HARS1: variants seen among roughly 807,000 people sequenced by gnomAD.
The protein encoded by HARS1 is histidyl-tRNA synthetase 1, also known as histidine--tRNA ligase, cytoplasmic.
HARS1 carries 45 observed loss-of-function variants against 63.6 expected under a neutral mutation model. The observed-to-expected ratio is 0.71, with a 90% CI of 0.56 to 0.91. The LOEUF (loss-of-function observed/expected upper bound fraction) is 0.91. Ranked by LOEUF, HARS1 falls within the 40% of genes least tolerant of loss-of-function variation. The pLI is 0.00. For missense variants in HARS1, 508 were observed against 643.2 expected (o/e 0.79, Z 2.27); for synonymous variants, 205 against 247.1 (o/e 0.83, Z 1.60).
intron 10 of HARS1, chr5:140,675,488 A>G (rs746430158): frequency 6.1e-6 from 1 of 162,808 alleles, no homozygotes; most frequent in Non-Finnish European, 1.3e-5. Context: ...CGACCTCCCA[A>G]GCTCAAGTGA....
rs758218240 is a variant in HARS1, at chr5:140,679,050, C to T, written c.474G>A (p.Arg158=). 1 of 1,614,082 alleles carries T rather than the reference C, an allele frequency of 6.2e-7. No individual in the cohort carries two copies. Among genetic ancestry groups the T allele is most frequent in the Non-Finnish European group, 8.5e-7 (1 of 1,179,944 alleles). ...KRYHIAKVYR[R]DNPAMTRGRY... is the part of the protein sequence containing the mutation. The stretch of plus-strand genomic sequence containing the variant: ...GGCCACGGGTCATGGCTGGGTTATC[C>T]CGCCGATATACCTTTGCTATGTGGT... The change falls in exon 5 of 13, where the codon CGG becomes CGA. Residue 158 remains arginine, a synonymous_variant. Coordinates refer to ENST00000504156, the MANE Select transcript of HARS1 (RefSeq NM_002109.6). The surrounding 1 kb of genome is among the most constrained non-coding windows in gnomAD (Gnocchi z 4.3).
At position 140,680,896 on chromosome 5, in the gene HARS1, C is replaced by CT. The variant is rs1209005938; in HGVS notation, c.301-1014dup. 2.6e-3 allele frequency among the ~76,000 whole-genome samples: 356 copies of CT among 138,838 alleles called. 2 individuals are homozygous for CT. Among genetic ancestry groups the CT allele is most frequent in the African/African-American group, 7.1e-3 (279 of 39,414 alleles). The allele number at this position is 138,838 out of a possible 152,430, so 91.1% of individuals were successfully genotyped here. A position where few individuals can be genotyped will look rare whatever the true frequency, so the allele number is the denominator to read the frequency against. ...ATATCTAATATTTAGGTATATAGCTCTTTTTTTTTTTAAAAAAAAGTATTT... is the reference window on the plus strand; with the variant it reads ...ATATCTAATATTTAGGTATATAGCTCTTTTTTTTTTTTAAAAAAAAGTATTT... On this transcript the variant is annotated intron_variant, in intron 3 of 12. Coordinates refer to ENST00000504156, the MANE Select transcript of HARS1 (RefSeq NM_002109.6).
At chr5:140,675,216 C>T in intron 10 of HARS1, 83 bp from the exon 11 acceptor site, 1 of 872,032 alleles carries the variant, frequency 1.1e-6, no homozygotes, top group Non-Finnish European at 1.9e-6. Flanking sequence ...ATTTTGAGAC[C>T]AGGCCCAACT....
chr5:140,679,630 G>A lies in HARS1; in HGVS notation c.396+158C>T. ...TCAGAAGATTTCTAAGGATGTGTAT[G>A]CTCTGTTTAGCCAAAGTTCCACTCC... On this transcript the variant is annotated intron_variant, in intron 4 of 12. Transcript: ENST00000504156. This position sits in a 1 kb window ranked among gnomAD's most constrained non-coding sequence, Gnocchi z 4.3. 1.8e-6 allele frequency: 1 copy of A among 555,716 alleles called. No individual in the cohort carries two copies. Among genetic ancestry groups the A allele is most frequent in the Non-Finnish European group, 3.2e-6 (1 of 309,450 alleles). 34.4% of individuals were successfully genotyped at this position (555,716 alleles called of 1,614,324 possible). A position where few individuals can be genotyped will look rare whatever the true frequency, so the allele number is the denominator to read the frequency against.
At chr5:140,683,272 C>A in intron 2 of HARS1, 53 bp from the exon 3 acceptor site, 2 of 1,581,346 alleles carry the variant, frequency 1.3e-6, no homozygotes, top group South Asian at 1.1e-5. Context: ...AAACCAAGAA[C>A]AATATGTTTT....
Sources: gnomAD v4.1 joint callset for allele counts (sites outside exome capture counted in the v4.1 genomes callset) on GRCh38, gnomAD v4.1.1 for gene constraint, Gnocchi (gnomAD v3.1) non-coding constraint, MANE v1.5 for transcripts, NCBI Gene and HGNC (gene_info 2026-07-23, HGNC 2026-07-21) for gene names.